Variants in CDH12 observed in about 807,000 individuals in gnomAD.
CDH12 encodes the protein cadherin-12.
Under a neutral mutation model 74.1 loss-of-function variants are expected in CDH12, and 41 were observed. The ratio of observed to expected loss-of-function variants is 0.55; its 90% CI spans 0.43 to 0.72. The LOEUF is 0.72. Ranked by LOEUF, CDH12 falls within the 30% of genes least tolerant of loss-of-function variation. The pLI is 0.00. For missense variants in CDH12, 945 were observed against 977.2 expected (o/e 0.97, Z 0.44); for synonymous variants, 399 against 355.0 (o/e 1.12, Z -1.39).
chr5:22,132,481 T>C (rs574171694), intron 4 of CDH12, among the ~76,000 whole-genome samples: 6 of 151,982 alleles, frequency 3.9e-5, no homozygotes, highest in African/African-American at 1.4e-4. Context: ...GGATGCATTG[T>C]TTTATTTCCC....
intron 1 of CDH12, among the ~76,000 whole-genome samples, chr5:22,664,331 A>T (rs1740498636): frequency 1.3e-5 from 2 of 152,170 alleles, no homozygotes; most frequent in South Asian, 2.1e-4. Flanking sequence ...ACCTCAGGAA[A>T]CTTACTATCT....
intron 1 of CDH12, among the ~76,000 whole-genome samples, chr5:22,771,060 CTAAGA>C (rs1198243019): frequency 2.0e-5 from 3 of 152,036 alleles, no homozygotes; most frequent in Admixed American, 1.3e-4. Flanking sequence ...CTCATACATT[CTAAGA>C]TAAGAGACAA....
At chr5:21,968,979 G>C (rs1007283705) in intron 6 of CDH12, among the ~76,000 whole-genome samples, 3 of 151,916 alleles carry the variant, frequency 2.0e-5, no homozygotes, top group Non-Finnish European at 4.4e-5. Context: ...GGCTTGATGG[G>C]GGGTGGAGGG....
intron 1 of CDH12, among the ~76,000 whole-genome samples, chr5:22,750,678 T>G (rs978569004): frequency 1.5e-4 from 23 of 152,156 alleles, no homozygotes; most frequent in African/African-American, 4.8e-4. Context: ...TGTTTAGTTT[T>G]GGGATACTGA....
chr5:22,220,511 A>G (rs928484306), intron 3 of CDH12, among the ~76,000 whole-genome samples: 1 of 151,626 alleles, frequency 6.6e-6, no homozygotes, highest in African/African-American at 2.4e-5. Flanking sequence ...ATCATGAGAA[A>G]CTAAATTTTT....
chr5:22,346,754 T>C (rs897036826), intron 3 of CDH12, among the ~76,000 whole-genome samples: 1 of 152,160 alleles, frequency 6.6e-6, no homozygotes, highest in Admixed American at 6.5e-5. Flanking sequence ...GCTAAAGGGA[T>C]CTATTCATGT....
intron 3 of CDH12, among the ~76,000 whole-genome samples, chr5:22,355,118 A>T (rs1394424899): frequency 2.6e-5 from 4 of 152,138 alleles, no homozygotes; most frequent in African/African-American, 4.8e-5. Context: ...AATATGATTA[A>T]TTTCATTTTT....
intron 9 of CDH12, among the ~76,000 whole-genome samples, chr5:21,816,276 T>C (rs1433949506): frequency 3.3e-5 from 5 of 152,246 alleles, no homozygotes; most frequent in East Asian, 1.9e-4. Context: ...ACATTTCCTT[T>C]TGCTTATGAT....
intron 8 of CDH12, among the ~76,000 whole-genome samples, chr5:21,839,596 A>C (rs904998633): frequency 3.3e-5 from 5 of 152,170 alleles, no homozygotes; most frequent in Non-Finnish European, 5.9e-5. Context: ...TTATGATTTT[A>C]AGAAAAAAAA....
chr5:22,786,674 T>C (rs1747640930), intron 1 of CDH12, among the ~76,000 whole-genome samples: 2 of 152,080 alleles, frequency 1.3e-5, no homozygotes, highest in Non-Finnish European at 2.9e-5. Flanking sequence ...TTGAGGAGAA[T>C]AGAGGAAGTC....
intron 6 of CDH12, among the ~76,000 whole-genome samples, chr5:21,871,205 T>C (rs1010445129): frequency 3.3e-5 from 5 of 152,202 alleles, no homozygotes; most frequent in African/African-American, 1.2e-4. Flanking sequence ...GCTGCATAGC[T>C]TGACATTGTG....
intron 6 of CDH12, among the ~76,000 whole-genome samples, chr5:21,950,757 T>TTTTTTATTATTATTA (rs369699094): frequency 2.2e-5 from 3 of 137,006 alleles, no homozygotes; most frequent in Non-Finnish European, 4.7e-5. Context: ...TAAATTTTAT[T>TTTTTTATTATTATTA]TTATTATTAT....
chr5:22,844,953 T>C (rs1225864565), intron 1 of CDH12, among the ~76,000 whole-genome samples: 1 of 152,100 alleles, frequency 6.6e-6, no homozygotes, highest in African/African-American at 2.4e-5. Flanking sequence ...TCTTCTCTGT[T>C]CTCTTCATAT....
At chr5:21,836,782 G>A (rs1202971298) in intron 8 of CDH12, among the ~76,000 whole-genome samples, 1 of 151,770 alleles carries the variant, frequency 6.6e-6, no homozygotes, top group East Asian at 1.9e-4. Flanking sequence ...TTTAACAGAT[G>A]GAAATCCTCT....
chr5:22,555,046 T>A (rs1738737255), intron 1 of CDH12, among the ~76,000 whole-genome samples: 1 of 152,042 alleles, frequency 6.6e-6, no homozygotes, highest in Non-Finnish European at 1.5e-5. Context: ...TAGAACATAA[T>A]CTTGCACAGA....
intron 1 of CDH12, among the ~76,000 whole-genome samples, chr5:22,749,114 C>T (rs545731044): frequency 2.9e-4 from 44 of 152,174 alleles, no homozygotes; most frequent in African/African-American, 8.9e-4. Flanking sequence ...CCCTGGTGGG[C>T]GTGTTGGAGC....
intron 5 of CDH12, among the ~76,000 whole-genome samples, chr5:22,046,019 C>T (rs566662468): frequency 6.2e-4 from 94 of 152,040 alleles, no homozygotes; most frequent in African/African-American, 2.2e-3. Flanking sequence ...ATGTACGTGC[C>T]AACTAAAAAT....
chr5:22,363,044 C>T (rs906468190), intron 3 of CDH12, among the ~76,000 whole-genome samples: 14 of 151,640 alleles, frequency 9.2e-5, no homozygotes, highest in African/African-American at 1.5e-4. Flanking sequence ...AACAAACCTG[C>T]GCATTGTGCA....
chr5:22,192,742 T>C (rs1010480856), intron 4 of CDH12, among the ~76,000 whole-genome samples: 3 of 152,158 alleles, frequency 2.0e-5, no homozygotes, highest in Non-Finnish European at 2.9e-5. Context: ...TGGGGCTCAC[T>C]TTGTAGATAA....
Sources: gnomAD v4.1 joint callset for allele counts (sites outside exome capture counted in the v4.1 genomes callset) on GRCh38, gnomAD v4.1.1 for gene constraint, MANE v1.5 for transcripts, NCBI Gene and HGNC (gene_info 2026-07-23, HGNC 2026-07-21) for gene names.